The following SMYD1 variants were observed in gnomAD, a reference collection of about 807,000 sequenced individuals.
The protein encoded by SMYD1 is histone-lysine N-methyltransferase SMYD1.
Under a neutral mutation model 54.0 loss-of-function variants are expected in SMYD1, and 49 were observed. The observed-to-expected ratio is 0.91, with a 90% CI of 0.72 to 1.15. The LOEUF (loss-of-function observed/expected upper bound fraction) is 1.15. Ranked by LOEUF, SMYD1 falls within the 50% of genes most tolerant of loss-of-function variation. The pLI is 0.00. For missense variants in SMYD1, 653 were observed against 639.6 expected, an observed-to-expected ratio of 1.02 and a Z score of -0.23; for synonymous variants, 269 against 234.2, an observed-to-expected ratio of 1.15 and a Z score of -1.36.
intron 2 of SMYD1, among the ~76,000 whole-genome samples, chr2:88,086,232 C>A (rs1674320079): frequency 6.6e-6 from 1 of 152,116 alleles, no homozygotes; most frequent in Non-Finnish European, 1.5e-5. Context: ...GTATTGTTTT[C>A]CAACTGCCTG....
At chr2:88,082,046 G>T (rs868777602) in intron 1 of SMYD1, among the ~76,000 whole-genome samples, 3 of 152,156 alleles carry the variant, frequency 2.0e-5, no homozygotes, top group Non-Finnish European at 4.4e-5. Context: ...ATCTCCAGGG[G>T]TTTAGAGAGT....
chr2:88,106,710 G>A (rs1674884183), intron 8 of SMYD1, among the ~76,000 whole-genome samples: 1 of 152,078 alleles, frequency 6.6e-6, no homozygotes, highest in Admixed American at 6.5e-5. Flanking sequence ...TGTCATCCCT[G>A]GTCTTTCCCA....
rs1428278586 is a variant in SMYD1 at position 88,084,463 on chromosome 2, A to T, written c.285A>T (p.Arg95Ser). 1 of 1,597,384 alleles carries T rather than the reference A, an allele frequency of 6.3e-7. No homozygotes were observed. The highest frequency in any genetic ancestry group is 1.3e-5 in the African/African-American group (1 of 74,724). ...AGAATGAATGTTCGGCCATCAAGAG[A>T]TATGGGAAGGTGCCCAATGAGAACA... ...NHKNECSAIK[R>S]YGKVPNENIR... is the part of the protein sequence containing the mutation. Residue 95 changes from arginine to serine, a missense_variant, in exon 2 of 10, where the codon AGA (arginine) becomes AGT (serine). Arg to Ser is a moderately radical substitution (Grantham distance 110). Transcript: ENST00000419482.
intron 9 of SMYD1, among the ~76,000 whole-genome samples, chr2:88,109,133 C>T (rs1420251482): frequency 6.6e-6 from 1 of 152,024 alleles, no homozygotes; most frequent in Non-Finnish European, 1.5e-5. Context: ...AAACTGAGGC[C>T]CAGGGAAGGA....
chr2:88,110,591 C>T lies in SMYD1; in HGVS notation c.*79C>T. 2.1e-6 allele frequency: 3 copies of T among 1,412,468 alleles called. No individual in the cohort carries two copies. Among genetic ancestry groups the T allele is most frequent in the South Asian group, 1.6e-5 (1 of 63,504 alleles). 87.5% of individuals were successfully genotyped at this position (1,412,468 alleles called of 1,614,324 possible). A position where few individuals can be genotyped will look rare whatever the true frequency, so the allele number is the denominator to read the frequency against. On this transcript the variant is annotated 3_prime_UTR_variant, in exon 10 of 10. Coordinates refer to ENST00000419482, the MANE Select transcript of SMYD1 (RefSeq NM_198274.4). ...GGAGGTGGTGGGTCTCTCGGGAGAC[C>T]CCTAATGAGGAAGTTGAGGTAATGC...
intron 1 of SMYD1, among the ~76,000 whole-genome samples, chr2:88,075,585 T>C (rs1022154266): frequency 3.4e-5 from 5 of 148,748 alleles, no homozygotes; most frequent in Admixed American, 2.0e-4. Context: ...TTGGTCAAGC[T>C]GGAGTGTCAT....
intron 2 of SMYD1, among the ~76,000 whole-genome samples, chr2:88,087,647 A>AT (rs1275816786): frequency 6.6e-6 from 1 of 151,912 alleles, no homozygotes; most frequent in African/African-American, 2.4e-5. Context: ...ACCCTGTATT[A>AT]TTTTTTCTGC....
At chr2:88,098,161 A>T (rs906074627) in intron 6 of SMYD1, among the ~76,000 whole-genome samples, 1 of 152,168 alleles carries the variant, frequency 6.6e-6, no homozygotes, top group Non-Finnish European at 1.5e-5. Context: ...TCCCTCCTGG[A>T]GACTGGCCCT....
intron 4 of SMYD1, among the ~76,000 whole-genome samples, chr2:88,093,083 CCT>C (rs1674498627): frequency 6.6e-6 from 1 of 152,188 alleles, no homozygotes; most frequent in African/African-American, 2.4e-5. Context: ...ATCTCTGTGA[CCT>C]AACCAGACTC....
chr2:88,108,426 C>T lies in SMYD1; in HGVS notation c.1201C>T (p.Leu401=). ...QLGMAVMRAG[L]TNWHAGNIEV... is the part of the protein sequence containing the mutation. Reference sequence around the variant, plus strand: ...GGGCATGGCCGTGATGCGGGCAGGGCTGACCAACTGGCATGCTGGTAACAT... The same window carrying T: ...GGGCATGGCCGTGATGCGGGCAGGGTTGACCAACTGGCATGCTGGTAACAT... Residue 401 remains leucine, a synonymous_variant, in exon 9 of 10, where the codon CTG becomes TTG. Transcript: ENST00000419482. 1.9e-6 allele frequency: 3 copies of T among 1,612,778 alleles called. No homozygotes were observed. Among genetic ancestry groups the T allele is most frequent in the Non-Finnish European group, 2.5e-6 (3 of 1,179,448 alleles).
chr2:88,091,237 C>T (rs1674455845), intron 4 of SMYD1, 95 bp downstream of exon 4: 1 of 1,335,188 alleles, frequency 7.5e-7, no homozygotes. Flanking sequence ...ACCTGCTAAA[C>T]CTGAACTAGC....
At chr2:88,090,869 G>A (rs1213933540) in intron 3 of SMYD1, 143 bp from the exon 4 acceptor site, 1 of 878,428 alleles carries the variant, frequency 1.1e-6, no homozygotes, top group Admixed American at 2.4e-5. Context: ...CAGAGAACAG[G>A]AGACTAATTG....
intron 1 of SMYD1, among the ~76,000 whole-genome samples, chr2:88,074,641 A>G (rs1397185462): frequency 6.6e-6 from 1 of 152,246 alleles, no homozygotes; most frequent in Non-Finnish European, 1.5e-5. Flanking sequence ...AGGAGCAAGG[A>G]CAGTTAGTGG....
intron 1 of SMYD1, among the ~76,000 whole-genome samples, chr2:88,071,454 G>A (rs944695832): frequency 1.3e-5 from 2 of 152,170 alleles, no homozygotes; most frequent in African/African-American, 4.8e-5. Flanking sequence ...GGTCGGAAAA[G>A]CAGGTACTCT....
chr2:88,096,553 A>C, intron 5 of SMYD1, 42 bp from the exon 6 acceptor site: 1 of 1,524,072 alleles, frequency 6.6e-7, no homozygotes, highest in Non-Finnish European at 9.0e-7. Flanking sequence ...CCATTCCAGT[A>C]GGCCTGGATT....
chr2:88,103,516 G>T (rs1037256826), intron 7 of SMYD1, among the ~76,000 whole-genome samples: 1 of 152,112 alleles, frequency 6.6e-6, no homozygotes, highest in African/African-American at 2.4e-5. Context: ...TTGAATGCAT[G>T]TGCCAGCTAC....
chr2:88,076,961 G>C (rs1309884931), intron 1 of SMYD1, among the ~76,000 whole-genome samples: 1 of 150,780 alleles, frequency 6.6e-6, no homozygotes, highest in African/African-American at 2.4e-5. Context: ...GCAATAAGCA[G>C]TGATTATGCC....
At chr2:88,103,965 AT>A (rs965584400) in intron 7 of SMYD1, among the ~76,000 whole-genome samples, 8 of 148,752 alleles carry the variant, frequency 5.4e-5, no homozygotes, top group African/African-American at 2.0e-4. Flanking sequence ...TTCTATTTCT[AT>A]TTCTTTTTTT....
At chr2:88,084,516 T>C (rs1437608982) in intron 2 of SMYD1, 24 bp downstream of exon 2, 1 of 1,549,746 alleles carries the variant, frequency 6.5e-7, no homozygotes, top group Non-Finnish European at 8.8e-7. Flanking sequence ...ACCCTGGTGG[T>C]GCTTCAGATT....
Sources: gnomAD v4.1 joint callset for allele counts (sites outside exome capture counted in the v4.1 genomes callset) on GRCh38, gnomAD v4.1.1 for gene constraint, MANE v1.5 for transcripts, NCBI Gene and HGNC (gene_info 2026-07-23, HGNC 2026-07-21) for gene names.